Variants in THSD7B observed in about 807,000 individuals in gnomAD.
THSD7B encodes the protein thrombospondin type-1 domain-containing protein 7B.
Under a neutral mutation model 213.6 loss-of-function variants are expected in THSD7B, and 138 were observed. That is an observed-to-expected ratio of 0.65 (90% confidence interval 0.56 to 0.74). The LOEUF is 0.74. Ranked by LOEUF, THSD7B falls within the 30% of genes least tolerant of loss-of-function variation. The pLI, the probability that THSD7B is intolerant of heterozygous loss-of-function variation, is 0.00. For synonymous variants in THSD7B, 742 were observed against 687.0 expected, an observed-to-expected ratio of 1.08 and a Z score of -1.25; for missense variants, 1,931 against 1,991.5, an observed-to-expected ratio of 0.97 and a Z score of 0.58.
chr2:137,345,706 T>C (rs1323018307), intron 12 of THSD7B, among the ~76,000 whole-genome samples: 1 of 151,510 alleles, frequency 6.6e-6, no homozygotes, highest in African/African-American at 2.4e-5. Context: ...TTTTAGACTC[T>C]AACCTAGATA....
At chr2:137,548,560 C>T (rs537654040) in intron 15 of THSD7B, among the ~76,000 whole-genome samples, 1 of 152,114 alleles carries the variant, frequency 6.6e-6, no homozygotes, top group Non-Finnish European at 1.5e-5. Flanking sequence ...TAGTAACTCT[C>T]ATTGTCCACA....
chr2:136,802,423 A>G (rs1558809977), intron 1 of THSD7B, among the ~76,000 whole-genome samples: 1 of 151,670 alleles, frequency 6.6e-6, no homozygotes, highest in Non-Finnish European at 1.5e-5. Context: ...TTATAACATG[A>G]GCAATAAAGA....
At chr2:136,776,710 CA>C (rs1452643572) in intron 1 of THSD7B, among the ~76,000 whole-genome samples, 6 of 152,084 alleles carry the variant, frequency 3.9e-5, no homozygotes, top group Admixed American at 2.0e-4. Context: ...TATTCATCCC[CA>C]AAAACTGAAA....
At chr2:137,306,891 C>G (rs2104854410) in intron 12 of THSD7B, among the ~76,000 whole-genome samples, 1 of 152,060 alleles carries the variant, frequency 6.6e-6, no homozygotes, top group Non-Finnish European at 1.5e-5. Flanking sequence ...TATGAGGATA[C>G]TCATAGATAA....
At chr2:137,666,546 C>CT (rs397985986) in intron 26 of THSD7B, among the ~76,000 whole-genome samples, 2 of 147,076 alleles carry the variant, frequency 1.4e-5, no homozygotes, top group African/African-American at 4.9e-5. Context: ...TTCCCCCCCC[C>CT]ATAGAAGCTT....
At chr2:137,321,042 C>T (rs1375698129) in intron 12 of THSD7B, among the ~76,000 whole-genome samples, 1 of 152,206 alleles carries the variant, frequency 6.6e-6, no homozygotes, top group Non-Finnish European at 1.5e-5. Context: ...ATAATTGTAA[C>T]ACCTACACCA....
intron 12 of THSD7B, among the ~76,000 whole-genome samples, chr2:137,326,129 G>A (rs946793189): frequency 1.3e-5 from 2 of 152,098 alleles, no homozygotes; most frequent in African/African-American, 4.8e-5. Flanking sequence ...ATATTTTAAG[G>A]GGAATTATGT....
At position 137,073,878 on chromosome 2, in the gene THSD7B, C is replaced by T. The variant is rs145583357; in HGVS notation, c.950+16648C>T. Among the ~76,000 whole-genome samples the T allele has an allele frequency of 3.4e-3, 520 of 152,300 alleles. 7 individuals are homozygous for T. In the East Asian group the frequency reaches 0.043, roughly 12 times the overall value. The stretch of plus-strand genomic sequence containing the variant: ...ATTCAGGAGCAGGTTGTTCAGTTTC[C>T]ATGTAGTTGAGCGGTTTTGAGTGAA... On this transcript the variant is annotated intron_variant, in intron 3 of 27. Coordinates refer to ENST00000409968, the MANE Select transcript of THSD7B (RefSeq NM_001316349.2).
chr2:137,244,123 G>A (rs913471319), intron 10 of THSD7B, among the ~76,000 whole-genome samples: 7 of 152,172 alleles, frequency 4.6e-5, no homozygotes, highest in African/African-American at 1.7e-4. Flanking sequence ...TGAGCCATTT[G>A]AAAGGCAGCA....
In THSD7B at chr2:136,922,365, C is replaced by T. The variant is rs141940490; in HGVS notation, c.139+40048C>T. The stretch of plus-strand genomic sequence containing the variant: ...CATATCCTTCCCTTGATCAATTTCT[C>T]TTGGCCAGAAAGCTTGCCATTTCCA... On this transcript the variant is annotated intron_variant, in intron 2 of 27. Coordinates refer to ENST00000409968, the MANE Select transcript of THSD7B (RefSeq NM_001316349.2). 3.5e-3 allele frequency among the ~76,000 whole-genome samples: 527 copies of T among 152,326 alleles called. 1 individual carries two copies. Among genetic ancestry groups the T allele is most frequent in the Non-Finnish European group, 5.3e-3 (360 of 68,026 alleles).
At chr2:137,561,530 C>G (rs1322434410) in intron 15 of THSD7B, among the ~76,000 whole-genome samples, 2 of 152,074 alleles carry the variant, frequency 1.3e-5, no homozygotes, top group Admixed American at 6.6e-5. Context: ...ATCCAAAAAG[C>G]TTTGTTTAAT....
Position 137,594,622 on chromosome 2 carries a change from T to TA in THSD7B, c.3424-21552dup, listed in dbSNP as rs1410236120. ...TGTATTGTCTTAATTAGTGTTGACT[T>TA]AGACTGAGTCTAAAAATTTGATAAT... On this transcript the variant is annotated intron_variant, in intron 17 of 27. Coordinates refer to ENST00000409968, the MANE Select transcript of THSD7B (RefSeq NM_001316349.2). Among the ~76,000 whole-genome samples, 7 of 152,046 alleles carry TA rather than the reference T, an allele frequency of 4.6e-5. No homozygotes were observed. The East Asian group carries it at 1.3e-3, about 29-fold the overall frequency.
intron 2 of THSD7B, among the ~76,000 whole-genome samples, chr2:137,053,357 G>T (rs1313741194): frequency 6.6e-6 from 1 of 152,016 alleles, no homozygotes; most frequent in African/African-American, 2.4e-5. Context: ...TTACTTAATA[G>T]TTATACTTTT....
intron 7 of THSD7B, among the ~76,000 whole-genome samples, chr2:137,230,401 T>C (rs1211249241): frequency 6.6e-6 from 1 of 152,178 alleles, no homozygotes; most frequent in African/African-American, 2.4e-5. Flanking sequence ...TTGAGTACAG[T>C]TATTTTTTGG....
At chr2:137,338,809 A>G (rs561842175) in intron 12 of THSD7B, among the ~76,000 whole-genome samples, 211 of 152,224 alleles carry the variant, frequency 1.4e-3, no homozygotes, top group Non-Finnish European at 2.4e-3. Context: ...TGTACCACAC[A>G]TTATGAAATC....
chr2:136,883,699 T>A (rs1683664877), intron 2 of THSD7B, among the ~76,000 whole-genome samples: 1 of 152,166 alleles, frequency 6.6e-6, no homozygotes, highest in Admixed American at 6.6e-5. Context: ...AAGCAAGTTT[T>A]AAAATAAGCG....
intron 5 of THSD7B, 91 bp downstream of exon 5, chr2:137,115,384 A>G: frequency 7.6e-7 from 1 of 1,312,828 alleles, no homozygotes; most frequent in East Asian, 2.8e-5. Flanking sequence ...AATAAGTGAC[A>G]CTTAGCATTC....
intron 5 of THSD7B, among the ~76,000 whole-genome samples, chr2:137,127,191 C>G (rs1014846649): frequency 1.1e-4 from 16 of 152,070 alleles, no homozygotes; most frequent in African/African-American, 3.6e-4. Flanking sequence ...TTGCCACAGA[C>G]CTTCAATTTG....
intron 12 of THSD7B, among the ~76,000 whole-genome samples, chr2:137,328,794 C>G (rs1261385911): frequency 6.6e-6 from 1 of 152,132 alleles, no homozygotes; most frequent in Non-Finnish European, 1.5e-5. Context: ...CTCATGAGAT[C>G]TGATGGTTTT....
Sources: gnomAD v4.1 joint callset for allele counts (sites outside exome capture counted in the v4.1 genomes callset) on GRCh38, gnomAD v4.1.1 for gene constraint, MANE v1.5 for transcripts, NCBI Gene and HGNC (gene_info 2026-07-23, HGNC 2026-07-21) for gene names.